Variants in RDX observed in about 807,000 individuals in gnomAD.
RDX encodes radixin.
In RDX, 32 loss-of-function variants were observed where a neutral mutation model predicts 83.7. That is an observed-to-expected ratio of 0.38 (90% confidence interval 0.29 to 0.51). RDX has a LOEUF of 0.51. Ranked by LOEUF, RDX falls within the 20% of genes least tolerant of loss-of-function variation. The pLI, the probability that RDX is intolerant of heterozygous loss-of-function variation, is 0.87. For synonymous variants in RDX, 229 were observed against 222.7 expected (o/e 1.03, Z -0.25); for missense variants, 600 against 689.9 (o/e 0.87, Z 1.46).
intron 1 of RDX, among the ~76,000 whole-genome samples, chr11:110,295,882 G>A (rs1370684260): frequency 6.6e-6 from 1 of 152,184 alleles, no homozygotes; most frequent in Non-Finnish European, 1.5e-5. Flanking sequence ...GCGAGCGGCG[G>A]GAGCGACTGG....
At chr11:110,261,347 A>G (rs1859796506) in intron 5 of RDX, among the ~76,000 whole-genome samples, 1 of 152,220 alleles carries the variant, frequency 6.6e-6, no homozygotes, top group Non-Finnish European at 1.5e-5. Flanking sequence ...GCTCTTTTCA[A>G]AGGGAAGCAA....
intron 10 of RDX, among the ~76,000 whole-genome samples, chr11:110,240,060 A>C (rs775871226): frequency 2.0e-5 from 3 of 152,084 alleles, no homozygotes; most frequent in Non-Finnish European, 2.9e-5. Context: ...ATATCCAGCA[A>C]TATCCAAAAC....
chr11:110,201,177 CAAAAA>C (rs34428422), intron 14 of RDX, among the ~76,000 whole-genome samples: 1 of 82,028 alleles, frequency 1.2e-5, no homozygotes. Flanking sequence ...ACTCCCGTCT[CAAAAA>C]AAAAAAAAAA....
rs762872496 is a variant in RDX at position 110,236,228 on chromosome 11, A to G, written c.1252-37T>C. ...AATATAATTCCAAAATTAAAATAAC[A>G]TATTTTGAATAATCTTATAAGTCAA... On this transcript the variant is annotated intron_variant, in intron 11 of 13. Coordinates refer to ENST00000645495, the MANE Select transcript of RDX (RefSeq NM_002906.4). 24 of 1,463,310 alleles carry G rather than the reference A, an allele frequency of 1.6e-5. No individual in the cohort carries two copies. In the Middle Eastern group the frequency reaches 8.9e-4, roughly 54 times the overall value. 90.6% of individuals were successfully genotyped at this position (1,463,310 alleles called of 1,614,324 possible).
intron 14 of RDX, among the ~76,000 whole-genome samples, chr11:110,218,259 A>T (rs1001380825): frequency 6.6e-6 from 1 of 150,872 alleles, no homozygotes; most frequent in Admixed American, 6.6e-5. Flanking sequence ...CACTTTGCAG[A>T]AGACACACAG....
At chr11:110,286,325 A>C (rs951234102) in intron 1 of RDX, among the ~76,000 whole-genome samples, 1 of 152,254 alleles carries the variant, frequency 6.6e-6, no homozygotes, top group African/African-American at 2.4e-5. Context: ...AAAACCACTC[A>C]TATGAATATG....
chr11:110,226,557 A>G (rs1011922417), downstream of RDX, among the ~76,000 whole-genome samples: 2 of 152,070 alleles, frequency 1.3e-5, no homozygotes, highest in African/African-American at 2.4e-5. Context: ...GATGGTGGTG[A>G]TGGTTACACA....
At chr11:110,180,913 G>A (rs558781244) in intron 15 of RDX, among the ~76,000 whole-genome samples, 1 of 152,130 alleles carries the variant, frequency 6.6e-6, no homozygotes, top group South Asian at 2.1e-4. Flanking sequence ...TCCACAGCAT[G>A]AAACCTTCGG....
chr11:110,216,645 T>C (rs755901989), intron 14 of RDX, among the ~76,000 whole-genome samples: 1 of 151,790 alleles, frequency 6.6e-6, no homozygotes, highest in African/African-American at 2.4e-5. Flanking sequence ...CCCAAAGTGC[T>C]GGGATCACAA....
At chr11:110,245,042 G>A (rs921439747) in intron 10 of RDX, among the ~76,000 whole-genome samples, 3 of 147,642 alleles carry the variant, frequency 2.0e-5, no homozygotes, top group African/African-American at 7.5e-5. Context: ...TTGGCTCACT[G>A]CCAACTCTGC....
At chr11:110,183,368 C>T (rs1297248118) in intron 15 of RDX, among the ~76,000 whole-genome samples, 2 of 152,200 alleles carry the variant, frequency 1.3e-5, no homozygotes, top group African/African-American at 2.4e-5. Flanking sequence ...TGCTCTGTCA[C>T]CCAGGCTGGA....
intron 9 of RDX, among the ~76,000 whole-genome samples, chr11:110,252,648 T>A (rs180976960): frequency 4.6e-5 from 7 of 152,320 alleles, no homozygotes; most frequent in African/African-American, 1.7e-4. Flanking sequence ...GAATGTACTG[T>A]ATAGAAAGTA....
intron 14 of RDX, among the ~76,000 whole-genome samples, chr11:110,220,621 C>T (rs868023725): frequency 1.3e-5 from 2 of 152,182 alleles, no homozygotes; most frequent in South Asian, 2.1e-4. Context: ...GCCTCAGCCT[C>T]CTGAGTAGCT....
At chr11:110,215,156 CGA>C (rs1361626830) in intron 14 of RDX, among the ~76,000 whole-genome samples, 4 of 149,736 alleles carry the variant, frequency 2.7e-5, no homozygotes, top group African/African-American at 7.3e-5. Context: ...GTCAGGAGAT[CGA>C]GACAATCCTG....
chr11:110,275,117 T>A (rs1336654590), intron 2 of RDX, among the ~76,000 whole-genome samples: 1 of 152,198 alleles, frequency 6.6e-6, no homozygotes, highest in Non-Finnish European at 1.5e-5. Context: ...GAAAATGGTA[T>A]CTCAATATGG....
At chr11:110,209,012 G>T (rs1591512534) in intron 14 of RDX, among the ~76,000 whole-genome samples, 1 of 152,116 alleles carries the variant, frequency 6.6e-6, no homozygotes, top group African/African-American at 2.4e-5. Context: ...GAACAGCTCC[G>T]GTCTACAGCT....
At chr11:110,216,544 T>C (rs1864060652) in intron 14 of RDX, among the ~76,000 whole-genome samples, 1 of 148,002 alleles carries the variant, frequency 6.8e-6, no homozygotes, top group African/African-American at 2.5e-5. Flanking sequence ...TTTTTTTCTT[T>C]TTTTTTTTTT....
chr11:110,225,151 C>A (rs1205669282), downstream of RDX, among the ~76,000 whole-genome samples: 1 of 152,120 alleles, frequency 6.6e-6, no homozygotes, highest in Non-Finnish European at 1.5e-5. Context: ...TTCTGCCGTG[C>A]CTTTTTGTAA....
intron 3 of RDX, among the ~76,000 whole-genome samples, chr11:110,271,452 C>T (rs1318544756): frequency 6.6e-6 from 1 of 152,166 alleles, no homozygotes; most frequent in African/African-American, 2.4e-5. Context: ...TATATACCAC[C>T]TTCCTCTGTC....
Sources: gnomAD v4.1 joint callset for allele counts (sites outside exome capture counted in the v4.1 genomes callset) on GRCh38, gnomAD v4.1.1 for gene constraint, MANE v1.5 for transcripts, NCBI Gene and HGNC (gene_info 2026-07-23, HGNC 2026-07-21) for gene names.